Variants in LRFN5 observed in about 807,000 individuals in gnomAD.
The protein encoded by LRFN5 is leucine rich repeat and fibronectin type III domain containing 5.
LRFN5 carries 24 observed loss-of-function variants against 45.6 expected under a neutral mutation model. That is an observed-to-expected ratio of 0.53 (90% confidence interval 0.38 to 0.74). The LOEUF is 0.74. Ranked by LOEUF, LRFN5 falls within the 30% of genes least tolerant of loss-of-function variation. The probability of loss-of-function intolerance (pLI) is 0.00; values close to 1 mark genes in which losing one functional copy is unlikely to be tolerated. For missense variants in LRFN5, 776 were observed against 861.5 expected (o/e 0.90, Z 1.24); for synonymous variants, 340 against 313.8 (o/e 1.08, Z -0.88).
At chr14:41,642,877 GTTAAAGA>G (rs1566600334) in intron 1 of LRFN5, among the ~76,000 whole-genome samples, 3 of 152,110 alleles carry the variant, frequency 2.0e-5, no homozygotes, top group African/African-American at 7.2e-5. Context: ...GGTTTTAAAT[GTTAAAGA>G]TTAGAGACAC....
chr14:41,870,586 A>C (rs1269306319), intron 2 of LRFN5, among the ~76,000 whole-genome samples: 1 of 152,310 alleles, frequency 6.6e-6, no homozygotes, highest in East Asian at 1.9e-4. Context: ...AGCACTGGGA[A>C]AATCCACCCC....
At chr14:41,748,767 A>G (rs1050407548) in intron 1 of LRFN5, among the ~76,000 whole-genome samples, 39 of 152,112 alleles carry the variant, frequency 2.6e-4, no homozygotes, top group African/African-American at 8.7e-4. Flanking sequence ...TTTTAATGGT[A>G]CACTAGAATT....
chr14:41,809,595 A>G (rs1887670681), intron 2 of LRFN5, among the ~76,000 whole-genome samples: 1 of 151,764 alleles, frequency 6.6e-6, no homozygotes, highest in African/African-American at 2.4e-5. Flanking sequence ...TAACAATATT[A>G]CCTCTGGATG....
At chr14:41,862,687 A>G (rs1023933512) in intron 2 of LRFN5, among the ~76,000 whole-genome samples, 1 of 152,188 alleles carries the variant, frequency 6.6e-6, no homozygotes, top group Non-Finnish European at 1.5e-5. Flanking sequence ...TGCTCTATCT[A>G]TAATTGACAA....
chr14:41,690,459 A>G (rs10149266), intron 1 of LRFN5, among the ~76,000 whole-genome samples: 34,390 of 152,078 alleles, frequency 0.23, 5,301 homozygotes, highest in East Asian at 0.76. Context: ...AGGCTGAGGC[A>G]TGAAAATCAC....
At chr14:41,779,070 A>G (rs1209329637) in intron 2 of LRFN5, among the ~76,000 whole-genome samples, 1 of 151,666 alleles carries the variant, frequency 6.6e-6, no homozygotes, top group Non-Finnish European at 1.5e-5. Flanking sequence ...ACATTCTTAT[A>G]TTGTTCTTGA....
At chr14:41,635,747 A>G (rs899808908) in intron 1 of LRFN5, among the ~76,000 whole-genome samples, 8 of 152,172 alleles carry the variant, frequency 5.3e-5, no homozygotes, top group Non-Finnish European at 8.8e-5. Flanking sequence ...ATGTTTGGGT[A>G]TAAGGAACAG....
chr14:41,808,880 A>T (rs185125736), intron 2 of LRFN5, among the ~76,000 whole-genome samples: 1 of 152,072 alleles, frequency 6.6e-6, no homozygotes, highest in Non-Finnish European at 1.5e-5. Flanking sequence ...ACGACCCTGC[A>T]TTGTGCATTT....
At chr14:41,717,905 G>C (rs964200857) in intron 1 of LRFN5, among the ~76,000 whole-genome samples, 2 of 152,108 alleles carry the variant, frequency 1.3e-5, no homozygotes, top group African/African-American at 4.8e-5. Context: ...TTTAGACCAT[G>C]TATATTATAA....
intron 2 of LRFN5, among the ~76,000 whole-genome samples, chr14:41,833,255 A>G (rs1347496618): frequency 2.0e-5 from 3 of 152,184 alleles, no homozygotes; most frequent in African/African-American, 7.2e-5. Flanking sequence ...ATGATTAGCG[A>G]TCCGCAGGAA....
chr14:41,867,345 C>T (rs1889874574), intron 2 of LRFN5, among the ~76,000 whole-genome samples: 2 of 149,924 alleles, frequency 1.3e-5, no homozygotes, highest in South Asian at 4.3e-4. Flanking sequence ...TATACATATG[C>T]ACACATCTGT....
rs542829215 is a variant in LRFN5, at chr14:41,770,372, A to G, written c.-21+3343A>G. 1.1e-4 allele frequency among the ~76,000 whole-genome samples: 17 copies of G among 152,330 alleles called. No individual in the cohort carries two copies. In the South Asian group the frequency reaches 3.5e-3, roughly 32 times the overall value. On this transcript the variant is annotated intron_variant, in intron 2 of 5. Coordinates refer to ENST00000298119, the MANE Select transcript of LRFN5 (RefSeq NM_152447.5). ...CAATAGGCCCCAAGAGTTTTTAATC[A>G]TTCCAACATTAAGTCTAAAGTCCTG...
intron 2 of LRFN5, among the ~76,000 whole-genome samples, chr14:41,779,193 T>G (rs889836544): frequency 4.6e-5 from 7 of 151,784 alleles, no homozygotes; most frequent in African/African-American, 1.7e-4. Context: ...TGGCTGAGAA[T>G]TTTTATTATG....
At chr14:41,695,711 C>G (rs1882581320) in intron 1 of LRFN5, among the ~76,000 whole-genome samples, 1 of 151,916 alleles carries the variant, frequency 6.6e-6, no homozygotes, top group Non-Finnish European at 1.5e-5. Context: ...ATATTCACAC[C>G]TACTGCTCAG....
intron 1 of LRFN5, among the ~76,000 whole-genome samples, chr14:41,737,885 G>C (rs558755172): frequency 1.3e-5 from 2 of 152,234 alleles, no homozygotes; most frequent in Admixed American, 1.3e-4. Flanking sequence ...CATGCTCATG[G>C]ATAGGAAGAA....
intron 1 of LRFN5, among the ~76,000 whole-genome samples, chr14:41,675,226 CG>C (rs1042609401): frequency 7.9e-5 from 12 of 152,222 alleles, no homozygotes; most frequent in African/African-American, 2.9e-4. Flanking sequence ...GCTGCAATCT[CG>C]GCACTTTGGG....
intron 1 of LRFN5, among the ~76,000 whole-genome samples, chr14:41,674,970 G>T (rs1269152321): frequency 6.6e-6 from 1 of 151,122 alleles, no homozygotes; most frequent in South Asian, 2.1e-4. Context: ...AGACGGGGCG[G>T]CAGGGCAAAG....
chr14:41,709,370 C>G (rs1296057957), intron 1 of LRFN5, among the ~76,000 whole-genome samples: 1 of 151,982 alleles, frequency 6.6e-6, no homozygotes, highest in Non-Finnish European at 1.5e-5. Context: ...CTGCTCTGTA[C>G]ATTTTTGGAC....
At chr14:41,674,466 C>T (rs2138669644) in intron 1 of LRFN5, among the ~76,000 whole-genome samples, 1 of 135,432 alleles carries the variant, frequency 7.4e-6, no homozygotes, top group East Asian at 2.4e-4. Flanking sequence ...GCAGAGGCGC[C>T]CCTCACCTCC....
Sources: allele counts gnomAD v4.1 joint callset (sites outside exome capture counted in the v4.1 genomes callset), GRCh38; gene constraint gnomAD v4.1.1; transcripts MANE v1.5; gene names NCBI Gene and HGNC (gene_info 2026-07-23, HGNC 2026-07-21).